Variants in ASAP2 observed in about 807,000 individuals in gnomAD.
ASAP2 encodes arf-GAP with SH3 domain, ANK repeat and PH domain-containing protein 2.
ASAP2 carries 45 observed loss-of-function variants against 131.4 expected under a neutral mutation model. The ratio of observed to expected loss-of-function variants is 0.34; its 90% CI spans 0.27 to 0.44. The LOEUF is 0.44. Ranked by LOEUF, ASAP2 falls within the 20% of genes least tolerant of loss-of-function variation. ASAP2 has a pLI of 1.00. For synonymous variants in ASAP2, 510 were observed against 503.0 expected, an observed-to-expected ratio of 1.01 and a Z score of -0.19; for missense variants, 1,011 against 1,297.0, an observed-to-expected ratio of 0.78 and a Z score of 3.39.
At chr2:9,273,861 A>G (rs1448074473) in intron 1 of ASAP2, among the ~76,000 whole-genome samples, 2 of 152,232 alleles carry the variant, frequency 1.3e-5, no homozygotes, top group Non-Finnish European at 2.9e-5. Context: ...CTCCTAAACC[A>G]TAATTTCTAA....
chr2:9,228,601 C>G (rs1457872491), intron 1 of ASAP2, among the ~76,000 whole-genome samples: 1 of 152,136 alleles, frequency 6.6e-6, no homozygotes, highest in Non-Finnish European at 1.5e-5. Context: ...TCTTCCTGAG[C>G]AGAGTTCATG....
At chr2:9,261,342 G>T (rs897803956) in intron 1 of ASAP2, among the ~76,000 whole-genome samples, 4 of 152,112 alleles carry the variant, frequency 2.6e-5, no homozygotes, top group African/African-American at 7.2e-5. Context: ...GCATTTCATC[G>T]GTTCAAAGCC....
chr2:9,365,452 C>T (rs1334408497), intron 15 of ASAP2, among the ~76,000 whole-genome samples: 1 of 152,212 alleles, frequency 6.6e-6, no homozygotes, highest in Non-Finnish European at 1.5e-5. Flanking sequence ...TGTCCTTCCT[C>T]ATGGAGACAT....
intron 7 of ASAP2, among the ~76,000 whole-genome samples, chr2:9,329,712 A>G (rs1034006720): frequency 3.9e-5 from 6 of 152,184 alleles, no homozygotes; most frequent in African/African-American, 1.4e-4. Context: ...GTGGACTGAC[A>G]AGAAATCTTT....
intron 1 of ASAP2, among the ~76,000 whole-genome samples, chr2:9,264,965 G>A (rs1572291233): frequency 6.6e-6 from 1 of 151,930 alleles, no homozygotes. Flanking sequence ...ATAGGGAGAC[G>A]TCTCTGCAAA....
intron 1 of ASAP2, among the ~76,000 whole-genome samples, chr2:9,221,116 C>T (rs184836021): frequency 9.2e-5 from 14 of 151,884 alleles, no homozygotes; most frequent in Non-Finnish European, 2.1e-4. Context: ...TTTTTTTTCC[C>T]AAGATTGTTT....
intron 3 of ASAP2, among the ~76,000 whole-genome samples, chr2:9,317,321 A>T (rs546611374): frequency 1.3e-4 from 11 of 86,708 alleles, no homozygotes; most frequent in African/African-American, 5.0e-4. Context: ...ATCCACTCAC[A>T]CAATCATATC....
At chr2:9,299,998 A>G (rs913217805) in intron 3 of ASAP2, among the ~76,000 whole-genome samples, 4 of 152,360 alleles carry the variant, frequency 2.6e-5, no homozygotes, top group Admixed American at 2.6e-4. Flanking sequence ...TGGGAGGCCA[A>G]GGTGGGCGGG....
chr2:9,245,271 C>T (rs572146691), intron 1 of ASAP2, among the ~76,000 whole-genome samples: 2 of 152,090 alleles, frequency 1.3e-5, no homozygotes, highest in African/African-American at 2.4e-5. Context: ...GTGTGACTAT[C>T]GAATTGTCAG....
chr2:9,361,378 A>G (rs376867714), intron 15 of ASAP2, among the ~76,000 whole-genome samples: 7 of 151,920 alleles, frequency 4.6e-5, no homozygotes, highest in Admixed American at 1.3e-4. Flanking sequence ...GGCTCCCCCA[A>G]TCCATTTTTT....
intron 3 of ASAP2, among the ~76,000 whole-genome samples, chr2:9,302,169 CTTTTTTTTTTT>C (rs57906310): frequency 1.2e-5 from 1 of 82,920 alleles, no homozygotes; most frequent in African/African-American, 5.3e-5. Context: ...AGTTAGAAGC[CTTTTTTTTTTT>C]TTTTTTTTTT....
chr2:9,260,801 T>C (rs1275975276), intron 1 of ASAP2, among the ~76,000 whole-genome samples: 1 of 152,152 alleles, frequency 6.6e-6, no homozygotes, highest in East Asian at 1.9e-4. Flanking sequence ...GGGTTTTAAT[T>C]TTCCCTCTGA....
chr2:9,360,228 C>T (rs541325016), intron 15 of ASAP2, among the ~76,000 whole-genome samples: 1 of 152,240 alleles, frequency 6.6e-6, no homozygotes, highest in South Asian at 2.1e-4. Flanking sequence ...TTATTTTGTA[C>T]TATGTATTTT....
At chr2:9,305,325 G>T (rs1352831380) in intron 3 of ASAP2, among the ~76,000 whole-genome samples, 10 of 148,022 alleles carry the variant, frequency 6.8e-5, no homozygotes, top group African/African-American at 2.0e-4. Context: ...GATGTTGGTG[G>T]AGGGGCTGTA....
At chr2:9,337,767 C>G (rs1671309888) in intron 9 of ASAP2, among the ~76,000 whole-genome samples, 2 of 152,134 alleles carry the variant, frequency 1.3e-5, no homozygotes, top group African/African-American at 4.8e-5. Flanking sequence ...TCCCGGTGAC[C>G]TCACACCTCC....
At position 9,283,887 on chromosome 2, in the gene ASAP2, A is replaced by T. The variant is rs1667292980; in HGVS notation, c.199+4498A>T. 1.3e-5 allele frequency among the ~76,000 whole-genome samples: 2 copies of T among 152,170 alleles called. 1 individual carries two copies. The highest frequency in any genetic ancestry group is 2.9e-5 in the Non-Finnish European group (2 of 68,016). On this transcript the variant is annotated intron_variant, in intron 2 of 27. Transcript: ENST00000281419. Reference sequence around the variant, plus strand: ...AGGAGGGCCTCACCCACTTGACCTCATCTAAACCTAATTATTATGCTTCCC... The same window carrying T: ...AGGAGGGCCTCACCCACTTGACCTCTTCTAAACCTAATTATTATGCTTCCC...
intron 2 of ASAP2, among the ~76,000 whole-genome samples, chr2:9,296,083 C>T (rs1267080809): frequency 2.0e-5 from 3 of 152,274 alleles, no homozygotes; most frequent in Non-Finnish European, 2.9e-5. Flanking sequence ...GGAGGAGCTG[C>T]AGCACTAAGG....
intron 1 of ASAP2, among the ~76,000 whole-genome samples, chr2:9,262,819 C>T (rs1304483498): frequency 6.6e-6 from 1 of 152,222 alleles, no homozygotes; most frequent in African/African-American, 2.4e-5. Flanking sequence ...ATGATGGCGT[C>T]TCCAGGCTGA....
At chr2:9,376,632 G>T (rs1674423880) in intron 17 of ASAP2, among the ~76,000 whole-genome samples, 1 of 152,234 alleles carries the variant, frequency 6.6e-6, no homozygotes, top group South Asian at 2.1e-4. Flanking sequence ...CTGATGCAGG[G>T]ATGGGGACAG....
Sources: allele counts gnomAD v4.1 joint callset (sites outside exome capture counted in the v4.1 genomes callset), GRCh38; gene constraint gnomAD v4.1.1; transcripts MANE v1.5; gene names NCBI Gene and HGNC (gene_info 2026-07-23, HGNC 2026-07-21).